The following VIT variants were observed in gnomAD, a reference collection of about 807,000 sequenced individuals.
VIT encodes the protein vitrin.
A neutral mutation model predicts 78.0 loss-of-function variants in VIT; 99 were observed. The observed-to-expected ratio is 1.27, with a 90% confidence interval of 1.08 to 1.50. VIT has a LOEUF of 1.50. Among genes scored for constraint, VIT ranks in the 40% most tolerant of loss-of-function variants. VIT has a pLI of 0.00. For synonymous variants in VIT, 374 were observed against 334.3 expected (o/e 1.12, Z -1.29); for missense variants, 1,126 against 875.3 (o/e 1.29, Z -3.61).
intron 15 of VIT, among the ~76,000 whole-genome samples, chr2:36,809,312 T>C (rs1364375200): frequency 6.6e-6 from 1 of 152,208 alleles, no homozygotes; most frequent in Non-Finnish European, 1.5e-5. Context: ...AAAGGGAATT[T>C]GACTCATCAC....
intron 13 of VIT, among the ~76,000 whole-genome samples, chr2:36,802,466 A>T (rs1666400534): frequency 6.6e-6 from 1 of 152,176 alleles, no homozygotes; most frequent in South Asian, 2.1e-4. Flanking sequence ...CCGATTAAAG[A>T]TTTCCCTTCC....
chr2:36,802,545 G>T (rs1666406697), intron 13 of VIT, among the ~76,000 whole-genome samples: 1 of 152,096 alleles, frequency 6.6e-6, no homozygotes, highest in South Asian at 2.1e-4. Context: ...TTTCACCTTT[G>T]AACAATGCTA....
intron 12 of VIT, among the ~76,000 whole-genome samples, chr2:36,796,759 G>C (rs550012351): frequency 6.6e-6 from 1 of 151,952 alleles, no homozygotes; most frequent in Non-Finnish European, 1.5e-5. Context: ...GAACCACCAT[G>C]CCTGGCCTGT....
At chr2:36,801,529 CG>C (rs1666326456) in intron 13 of VIT, 125 bp downstream of exon 13, 1 of 892,880 alleles carries the variant, frequency 1.1e-6, no homozygotes, top group South Asian at 1.7e-5. Flanking sequence ...AACTTCTGGT[CG>C]GGCGTGGTGG....
At chr2:36,805,344 T>C (rs1572574691) in intron 13 of VIT, 94 bp from the exon 14 acceptor site, 1 of 1,063,376 alleles carries the variant, frequency 9.4e-7, no homozygotes, top group Non-Finnish European at 1.3e-6. Flanking sequence ...AGGGAATGAG[T>C]GTATTTTTCT....
At chr2:36,812,617 C>T (rs930881180) in intron 15 of VIT, among the ~76,000 whole-genome samples, 1 of 152,104 alleles carries the variant, frequency 6.6e-6, no homozygotes, top group Non-Finnish European at 1.5e-5. Context: ...CCCATTTGCA[C>T]CTAGACATGC....
chr2:36,777,159 C>A (rs976413552), intron 9 of VIT, among the ~76,000 whole-genome samples: 4 of 115,782 alleles, frequency 3.5e-5, no homozygotes, highest in Non-Finnish European at 8.3e-5. Context: ...AACAAATTGT[C>A]AGTATTCTGT....
chr2:36,813,744 A>G (rs548845634), intron 15 of VIT, among the ~76,000 whole-genome samples: 1 of 152,262 alleles, frequency 6.6e-6, no homozygotes, highest in East Asian at 1.9e-4. Context: ...AGGCTCTCTC[A>G]GATTTTGCTT....
At chr2:36,718,382 T>C (rs1215771339) in intron 2 of VIT, among the ~76,000 whole-genome samples, 1 of 152,014 alleles carries the variant, frequency 6.6e-6, no homozygotes, top group Non-Finnish European at 1.5e-5. Context: ...AGAAGGAGGA[T>C]ATGGGTTCTA....
At chr2:36,766,820 A>T (rs1238489438) in intron 6 of VIT, among the ~76,000 whole-genome samples, 2 of 152,242 alleles carry the variant, frequency 1.3e-5, no homozygotes, top group Admixed American at 6.5e-5. Context: ...TTCAGCAATT[A>T]ATCATGTTCT....
At chr2:36,732,810 G>T (rs1316213559) in intron 3 of VIT, among the ~76,000 whole-genome samples, 2 of 152,188 alleles carry the variant, frequency 1.3e-5, no homozygotes, top group African/African-American at 2.4e-5. Context: ...GTTAGGAAAA[G>T]AAGCTGTGTA....
chr2:36,773,816 A>G lies in VIT; in HGVS notation c.705A>G (p.Thr235=). The G allele has an allele frequency of 6.2e-7, 1 of 1,605,160 alleles. No homozygotes were observed. The highest frequency in any genetic ancestry group is 8.5e-7 in the Non-Finnish European group (1 of 1,174,672). The change falls in exon 8 of 16, where the codon ACA becomes ACG. Residue 235 remains threonine (T), a synonymous_variant. Coordinates refer to ENST00000379242, the MANE Select transcript of VIT (RefSeq NM_053276.4). ...ATCTCTGGTCCACTGCCACCTACACAAGCAGCCAAAACAGGCCCAGAGCTG... is the reference window on the plus strand; with the variant it reads ...ATCTCTGGTCCACTGCCACCTACACGAGCAGCCAAAACAGGCCCAGAGCTG... ...EMDLWSTATY[T]SSQNRPRADP...
intron 2 of VIT, among the ~76,000 whole-genome samples, chr2:36,717,077 A>G (rs879365843): frequency 5.3e-5 from 8 of 151,562 alleles, no homozygotes; most frequent in Admixed American, 4.6e-4. Flanking sequence ...GGGTTTCACC[A>G]TGCTGGCCAG....
At chr2:36,744,951 C>G (rs1668049335) in intron 4 of VIT, among the ~76,000 whole-genome samples, 1 of 152,016 alleles carries the variant, frequency 6.6e-6, no homozygotes, top group African/African-American at 2.4e-5. Context: ...AGTTTGAAGT[C>G]TTACATGTAA....
intron 12 of VIT, among the ~76,000 whole-genome samples, chr2:36,795,431 G>C (rs1665822541): frequency 6.7e-6 from 1 of 149,376 alleles, no homozygotes; most frequent in Non-Finnish European, 1.5e-5. Flanking sequence ...TATTGAGACG[G>C]AGTTTCGCTC....
intron 2 of VIT, among the ~76,000 whole-genome samples, chr2:36,722,611 G>C (rs1334776810): frequency 1.3e-5 from 2 of 152,202 alleles, no homozygotes; most frequent in African/African-American, 4.8e-5. Flanking sequence ...AGGCATTGTG[G>C]ATACTATCTA....
intron 4 of VIT, among the ~76,000 whole-genome samples, chr2:36,752,288 C>T (rs1050063707): frequency 3.9e-5 from 6 of 152,194 alleles, no homozygotes; most frequent in African/African-American, 1.4e-4. Context: ...AAAAGACCAG[C>T]TCCATGCAGG....
chr2:36,801,293 C>G lies in VIT; in HGVS notation c.1059-8C>G. ...AGCTAATTTGTATTTCTTGTTCTGA[C>G]TCTTCAGAGACAACCCTGCTACTCA... On this transcript the variant is annotated splice_polypyrimidine_tract_variant and splice_region_variant and intron_variant, in intron 12 of 15. Transcript: ENST00000379242. The G allele has an allele frequency of 6.2e-7, 1 of 1,611,068 alleles. No individual in the cohort carries two copies. The highest frequency in any genetic ancestry group is 8.5e-7 in the Non-Finnish European group (1 of 1,177,388).
At chr2:36,792,939 C>T (rs954599679) in intron 12 of VIT, among the ~76,000 whole-genome samples, 1 of 152,164 alleles carries the variant, frequency 6.6e-6, no homozygotes, top group African/African-American at 2.4e-5. Context: ...AAAGCATCCT[C>T]TAAGACATTG....
Sources: allele counts gnomAD v4.1 joint callset (sites outside exome capture counted in the v4.1 genomes callset), GRCh38; gene constraint gnomAD v4.1.1; transcripts MANE v1.5; gene names NCBI Gene and HGNC (gene_info 2026-07-23, HGNC 2026-07-21).